KCNK10: variants seen among roughly 807,000 people sequenced by gnomAD.
KCNK10 encodes potassium two pore domain channel subfamily K member 10, also known as potassium channel subfamily K member 10.
A neutral mutation model predicts 47.7 loss-of-function variants in KCNK10; 25 were observed. The observed-to-expected ratio is 0.52, with a 90% confidence interval of 0.38 to 0.73. KCNK10 has a LOEUF of 0.73. Among genes scored for constraint, KCNK10 ranks in the 30% least tolerant of loss-of-function variants. The pLI, the probability that KCNK10 is intolerant of heterozygous loss-of-function variation, is 0.00. For synonymous variants in KCNK10, 303 were observed against 285.6 expected, an observed-to-expected ratio of 1.06 and a Z score of -0.61; for missense variants, 563 against 714.5, an observed-to-expected ratio of 0.79 and a Z score of 2.42.
chr14:88,180,667 T>A lies in KCNK10; in HGVS notation c.*4868A>T. 1 of 398,004 alleles carries A rather than the reference T, an allele frequency of 2.5e-6. No individual in the cohort carries two copies. The highest frequency in any genetic ancestry group is 4.4e-6 in the Non-Finnish European group (1 of 225,752). 24.7% of individuals were successfully genotyped at this position (398,004 alleles called of 1,614,324 possible). ...GCACCTGTGAAAATGATAATAACTT[T>A]CAGTAAAATCAGAGACACCTCTCAT... On this transcript the variant is annotated 3_prime_UTR_variant, in exon 7 of 7. Coordinates refer to ENST00000319231, the MANE Select transcript of KCNK10 (RefSeq NM_138317.3).
intron 1 of KCNK10, among the ~76,000 whole-genome samples, chr14:88,299,447 C>G (rs1330164116): frequency 6.6e-6 from 1 of 152,210 alleles, no homozygotes; most frequent in Non-Finnish European, 1.5e-5. Context: ...TTCATCTCCT[C>G]CATCACAAGG....
intron 4 of KCNK10, among the ~76,000 whole-genome samples, chr14:88,196,717 G>C (rs749812933): frequency 6.6e-6 from 1 of 152,126 alleles, no homozygotes; most frequent in Non-Finnish European, 1.5e-5. Context: ...CTCAGTTTAC[G>C]GCTTGGTTTG....
intron 2 of KCNK10, among the ~76,000 whole-genome samples, chr14:88,250,899 T>C (rs1287900120): frequency 6.6e-6 from 1 of 152,114 alleles, no homozygotes; most frequent in Non-Finnish European, 1.5e-5. Flanking sequence ...ATTTTTTGCT[T>C]TCCTTCTGTG....
chr14:88,196,658 A>T lies in KCNK10; in HGVS notation c.682-4248T>A, dbSNP rs548341969. On this transcript the variant is annotated intron_variant, in intron 4 of 6. Coordinates refer to ENST00000319231, the MANE Select transcript of KCNK10 (RefSeq NM_138317.3). ...AGGATGTCGGGGATTTTACTCAAGA[A>T]TAAAGACACTGCGGTAAAAATCCTA... 2.3e-4 allele frequency among the ~76,000 whole-genome samples: 35 copies of T among 152,344 alleles called. 1 individual carries two copies. The South Asian group carries it at 7.0e-3, about 31-fold the overall frequency.
intron 3 of KCNK10, among the ~76,000 whole-genome samples, chr14:88,233,083 T>G (rs1365263336): frequency 6.6e-6 from 1 of 152,214 alleles, no homozygotes; most frequent in African/African-American, 2.4e-5. Flanking sequence ...AAGCATGTAT[T>G]GGGATGTTCT....
chr14:88,200,338 A>T (rs1439305516), intron 4 of KCNK10, among the ~76,000 whole-genome samples: 1 of 152,218 alleles, frequency 6.6e-6, no homozygotes, highest in Non-Finnish European at 1.5e-5. Context: ...TTTCAGAAGG[A>T]TAATTTAAGA....
At chr14:88,219,094 G>A (rs1293120424) in intron 4 of KCNK10, among the ~76,000 whole-genome samples, 1 of 151,362 alleles carries the variant, frequency 6.6e-6, no homozygotes, top group Admixed American at 6.6e-5. Context: ...CACCTCACAG[G>A]CTCCATTTTC....
intron 1 of KCNK10, among the ~76,000 whole-genome samples, chr14:88,288,629 C>T (rs1887817845): frequency 6.6e-6 from 1 of 152,208 alleles, no homozygotes; most frequent in South Asian, 2.1e-4. Flanking sequence ...CCCACAACTC[C>T]CTGAGGAACC....
intron 1 of KCNK10, among the ~76,000 whole-genome samples, chr14:88,310,862 C>A (rs1435786806): frequency 6.6e-6 from 1 of 152,130 alleles, no homozygotes; most frequent in East Asian, 1.9e-4. Flanking sequence ...GAACTGAGAG[C>A]CACATGCTTC....
chr14:88,303,525 C>T (rs986394511), intron 1 of KCNK10, among the ~76,000 whole-genome samples: 1 of 151,878 alleles, frequency 6.6e-6, no homozygotes, highest in African/African-American at 2.4e-5. Flanking sequence ...GGCGGCAATG[C>T]GGGATCAAGG....
intron 4 of KCNK10, among the ~76,000 whole-genome samples, chr14:88,198,816 T>C (rs73322361): frequency 0.02 from 3,111 of 152,300 alleles, 107 homozygotes; most frequent in African/African-American, 0.071. Context: ...AACTCATCTT[T>C]CCACAGATAT....
chr14:88,192,454 C>A, intron 4 of KCNK10, 44 bp from the exon 5 acceptor site: 1 of 1,548,078 alleles, frequency 6.5e-7, no homozygotes, highest in Non-Finnish European at 8.9e-7. Context: ...AGCGGCATCA[C>A]CCTGGATTCA....
At chr14:88,274,566 A>AAAAAAAAAT (rs55899872) in intron 1 of KCNK10, among the ~76,000 whole-genome samples, 1 of 139,624 alleles carries the variant, frequency 7.2e-6, no homozygotes, top group Non-Finnish European at 1.5e-5. Context: ...AAAAAAAAAA[A>AAAAAAAAAT]GATCTTATGG....
chr14:88,185,838 C>T lies in KCNK10; in HGVS notation c.1329G>A (p.Ala443=), dbSNP rs762061253. The T allele has an allele frequency of 2.9e-5, 47 of 1,614,054 alleles. No individual in the cohort carries two copies. The African/African-American group carries it at 2.9e-4, about 10-fold the overall frequency. Residue 443 remains alanine, a synonymous_variant, in exon 7 of 7, where the codon GCG becomes GCA. Transcript: ENST00000319231. The surrounding 1 kb of genome is among the most constrained non-coding windows in gnomAD (Gnocchi z 4.3). ...PEQLNKHGQG[A]SEDNIINKFG... Reference sequence around the variant, plus strand: ...ACTTGTTGATGATGTTGTCCTCGGACGCACCCTGCCCATGCTTGTTCAGCT... The same window carrying T: ...ACTTGTTGATGATGTTGTCCTCGGATGCACCCTGCCCATGCTTGTTCAGCT...
intron 2 of KCNK10, among the ~76,000 whole-genome samples, chr14:88,256,708 G>A (rs1317585964): frequency 6.6e-6 from 1 of 152,178 alleles, no homozygotes; most frequent in East Asian, 1.9e-4. Context: ...TGAAGCCCAA[G>A]AGTCATTTCA....
upstream of KCNK10, chr14:88,326,632 C>G: frequency 1.7e-6 from 1 of 594,700 alleles, no homozygotes; most frequent in Non-Finnish European, 2.9e-6. Flanking sequence ...CAGCAGGAGA[C>G]CCGGGCTGGC....
intron 4 of KCNK10, among the ~76,000 whole-genome samples, chr14:88,213,321 C>A (rs1885520012): frequency 6.6e-6 from 1 of 152,094 alleles, no homozygotes; most frequent in South Asian, 2.1e-4. Flanking sequence ...TTAAAAAGTT[C>A]TCTATAAGAA....
chr14:88,256,362 T>TGAGCCCAC (rs1421917716), intron 2 of KCNK10, among the ~76,000 whole-genome samples: 1 of 152,144 alleles, frequency 6.6e-6, no homozygotes, highest in Non-Finnish European at 1.5e-5. Context: ...TGAGGCCGCC[T>TGAGCCCAC]GAGCCCACCG....
Position 88,322,620 on chromosome 14 carries a change from G to T in KCNK10, c.52+127C>A. ...CCGCCCTCCTCCCACCCGCGCTGCA[G>T]TTCCCAGGCGCATTTCCCAGCCTCA... On this transcript the variant is annotated intron_variant, in intron 1 of 6. Coordinates refer to ENST00000319231, the MANE Select transcript of KCNK10 (RefSeq NM_138317.3). This position sits in a 1 kb window ranked among gnomAD's most constrained non-coding sequence, Gnocchi z 4.8. 1 of 1,322,596 alleles carries T rather than the reference G, an allele frequency of 7.6e-7. No homozygotes were observed. Among genetic ancestry groups the T allele is most frequent in the Non-Finnish European group, 1.1e-6 (1 of 931,808 alleles). 81.9% of individuals were successfully genotyped at this position (1,322,596 alleles called of 1,614,324 possible). A position where few individuals can be genotyped will look rare whatever the true frequency, so the allele number is the denominator to read the frequency against.
Sources: gnomAD v4.1 joint callset for allele counts (sites outside exome capture counted in the v4.1 genomes callset) on GRCh38, gnomAD v4.1.1 for gene constraint, Gnocchi (gnomAD v3.1) non-coding constraint, MANE v1.5 for transcripts, NCBI Gene and HGNC (gene_info 2026-07-23, HGNC 2026-07-21) for gene names.